Variants in STARD13 observed in about 807,000 individuals in gnomAD.
STARD13 encodes the protein StAR related lipid transfer domain containing 13, also known as stAR-related lipid transfer protein 13.
STARD13 carries 62 observed loss-of-function variants against 106.4 expected under a neutral mutation model. The ratio of observed to expected loss-of-function variants is 0.58; its 90% CI spans 0.48 to 0.72. The LOEUF is 0.72. Ranked by LOEUF, STARD13 falls within the 30% of genes least tolerant of loss-of-function variation. STARD13 has a pLI of 0.00. For synonymous variants in STARD13, 565 were observed against 553.0 expected (o/e 1.02, Z -0.31); for missense variants, 1,387 against 1,424.0 (o/e 0.97, Z 0.42).
chr13:33,238,192 T>C lies in STARD13; in HGVS notation c.169+47278A>G, dbSNP rs1000599116. Among the ~76,000 whole-genome samples the C allele has an allele frequency of 2.0e-5, 3 of 152,206 alleles. No individual in the cohort carries two copies. The East Asian group carries it at 5.8e-4, about 29-fold the overall frequency. On this transcript the variant is annotated intron_variant, in intron 1 of 13. Transcript: ENST00000336934. The stretch of plus-strand genomic sequence containing the variant: ...CACATAAAGCCCTGAGAATTCAACA[T>C]TGAACACAACAGACATAATCCTCAC...
intron 1 of STARD13, chr13:33,277,609 C>T (rs1380435097): frequency 6.6e-6 from 1 of 152,114 alleles, no homozygotes; most frequent in East Asian, 1.9e-4. Flanking sequence ...GCAGTGACTC[C>T]ACTTCCCAGC....
At chr13:33,642,958 T>G in the STARD13 span, among the ~76,000 whole-genome samples, 2 of 151,730 alleles carry the variant, frequency 1.3e-5, no homozygotes, top group African/African-American at 4.9e-5. Context: ...GGACAGAGTT[T>G]CCACACAATA....
chr13:33,668,499 C>T, the STARD13 span, among the ~76,000 whole-genome samples: 1 of 152,162 alleles, frequency 6.6e-6, no homozygotes, highest in Non-Finnish European at 1.5e-5. Flanking sequence ...ATAGTATTCA[C>T]TTAAAATTCC....
intron 1 of STARD13, among the ~76,000 whole-genome samples, chr13:33,325,381 T>C (rs534972775): frequency 9.7e-4 from 148 of 152,042 alleles, no homozygotes; most frequent in African/African-American, 3.4e-3. Context: ...CCCACCAATA[T>C]CTCCTGATTA....
the STARD13 span, among the ~76,000 whole-genome samples, chr13:33,595,884 A>G: frequency 1.3e-5 from 2 of 152,200 alleles, no homozygotes; most frequent in African/African-American, 4.8e-5. Flanking sequence ...CACAGCTTCT[A>G]ACTGGATTTC....
chr13:33,504,347 A>T, the STARD13 span, among the ~76,000 whole-genome samples: 10,378 of 152,190 alleles, frequency 0.068, 918 homozygotes, highest in African/African-American at 0.2. Flanking sequence ...AAAGACTTTG[A>T]ACCAACCCAA....
chr13:33,281,906 G>A (rs534379104), intron 1 of STARD13, among the ~76,000 whole-genome samples: 1 of 152,268 alleles, frequency 6.6e-6, no homozygotes, highest in South Asian at 2.1e-4. Context: ...GGATGGCGGT[G>A]ATGGTTGGAT....
At chr13:33,140,011 T>A (rs1879602690) in intron 4 of STARD13, among the ~76,000 whole-genome samples, 1 of 152,228 alleles carries the variant, frequency 6.6e-6, no homozygotes, top group Non-Finnish European at 1.5e-5. Context: ...TTCTGAGGCC[T>A]ATAGCTAAGC....
the STARD13 span, among the ~76,000 whole-genome samples, chr13:33,417,986 AG>A: frequency 1.3e-5 from 2 of 152,232 alleles, no homozygotes; most frequent in African/African-American, 4.8e-5. Context: ...ATGGCCGAAT[AG>A]GAACAGCTCC....
At chr13:33,389,046 C>T in the STARD13 span, among the ~76,000 whole-genome samples, 1 of 151,032 alleles carries the variant, frequency 6.6e-6, no homozygotes, top group South Asian at 2.1e-4. Context: ...ACCTCTGCCT[C>T]CCAGGTTCAA....
the STARD13 span, among the ~76,000 whole-genome samples, chr13:33,376,426 G>T: frequency 3.3e-5 from 5 of 152,126 alleles, no homozygotes; most frequent in Admixed American, 2.0e-4. Context: ...GCAGGTTGAA[G>T]GTGCAAGAAT....
chr13:33,499,616 CTTCTTCTT>C, the STARD13 span, among the ~76,000 whole-genome samples: 18 of 70,146 alleles, frequency 2.6e-4, no homozygotes, highest in Non-Finnish European at 4.0e-4. Flanking sequence ...TCTTCTTCTT[CTTCTTCTT>C]CTTCTTCTTC....
the STARD13 span, among the ~76,000 whole-genome samples, chr13:33,606,409 A>G: frequency 2.6e-5 from 4 of 152,242 alleles, no homozygotes; most frequent in Non-Finnish European, 5.9e-5. Flanking sequence ...TCAGGATATT[A>G]TAAGTTCTTA....
the STARD13 span, among the ~76,000 whole-genome samples, chr13:33,477,630 T>A: frequency 6.6e-6 from 1 of 152,174 alleles, no homozygotes; most frequent in African/African-American, 2.4e-5. Context: ...CTCTTCCTTT[T>A]GGAGTCTAGA....
intron 1 of STARD13, among the ~76,000 whole-genome samples, chr13:33,329,516 G>A (rs911305202): frequency 2.6e-5 from 4 of 151,994 alleles, no homozygotes; most frequent in Non-Finnish European, 5.9e-5. Flanking sequence ...ACGTAAAAGG[G>A]AGATCATGCA....
chr13:33,455,219 A>G, the STARD13 span, among the ~76,000 whole-genome samples: 3 of 152,252 alleles, frequency 2.0e-5, no homozygotes, highest in African/African-American at 7.2e-5. Flanking sequence ...GAGAGCAGAC[A>G]CAAGCCTCAG....
At chr13:33,671,977 GA>G in the STARD13 span, among the ~76,000 whole-genome samples, 6,034 of 152,170 alleles carry the variant, frequency 0.04, 241 homozygotes, top group African/African-American at 0.1. Flanking sequence ...CAAAGATCTA[GA>G]ACCAGAAATA....
At chr13:33,593,960 G>A in the STARD13 span, among the ~76,000 whole-genome samples, 50 of 152,242 alleles carry the variant, frequency 3.3e-4, no homozygotes, top group Non-Finnish European at 5.4e-4. Flanking sequence ...AGGCTGGAGT[G>A]CAGTGACGCG....
chr13:33,119,175 T>C (rs1476716122), intron 7 of STARD13, among the ~76,000 whole-genome samples: 1 of 152,208 alleles, frequency 6.6e-6, no homozygotes, highest in Non-Finnish European at 1.5e-5. Context: ...GTGCTGGACT[T>C]ACCCGCTATT....
Sources: allele counts gnomAD v4.1 joint callset (sites outside exome capture counted in the v4.1 genomes callset), GRCh38; gene constraint gnomAD v4.1.1; transcripts MANE v1.5; gene names NCBI Gene and HGNC (gene_info 2026-07-23, HGNC 2026-07-21).